PCDH15: variants seen among roughly 807,000 people sequenced by gnomAD.
The protein encoded by PCDH15 is protocadherin related 15.
PCDH15 carries 129 observed loss-of-function variants against 178.5 expected under a neutral mutation model. The ratio of observed to expected loss-of-function variants is 0.72; its 90% CI spans 0.63 to 0.84. PCDH15 has a LOEUF of 0.84. Among genes scored for constraint, PCDH15 ranks in the 40% least tolerant of loss-of-function variants. PCDH15 has a pLI of 0.00. For synonymous variants in PCDH15, 800 were observed against 732.0 expected, an observed-to-expected ratio of 1.09 and a Z score of -1.50; for missense variants, 2,230 against 2,099.9, an observed-to-expected ratio of 1.06 and a Z score of -1.21.
intron 2 of PCDH15, among the ~76,000 whole-genome samples, chr10:54,958,163 A>G (rs1487699268): frequency 6.6e-6 from 1 of 151,746 alleles, no homozygotes; most frequent in Non-Finnish European, 1.5e-5. Context: ...ATTCAAAACC[A>G]CCTCTTTTAG....
intron 25 of PCDH15, among the ~76,000 whole-genome samples, chr10:53,914,843 C>G (rs1350488430): frequency 2.0e-5 from 3 of 152,076 alleles, no homozygotes; most frequent in African/African-American, 7.2e-5. Flanking sequence ...AAAAGTTTAA[C>G]TTTAGGAAAA....
At chr10:53,930,860 A>G (rs562946613) in intron 25 of PCDH15, among the ~76,000 whole-genome samples, 8 of 152,298 alleles carry the variant, frequency 5.3e-5, no homozygotes, top group African/African-American at 1.9e-4. Flanking sequence ...TTCCTTGGCA[A>G]TACTTGTTTT....
intron 27 of PCDH15, among the ~76,000 whole-genome samples, chr10:53,863,556 G>C (rs1234213179): frequency 6.6e-6 from 1 of 151,970 alleles, no homozygotes; most frequent in African/African-American, 2.4e-5. Flanking sequence ...GTTTAAGAGA[G>C]GGTTCAATAG....
intron 2 of PCDH15, among the ~76,000 whole-genome samples, chr10:55,509,643 G>A (rs999787648): frequency 2.6e-5 from 4 of 151,710 alleles, no homozygotes; most frequent in East Asian, 1.9e-4. Flanking sequence ...AACCATCATC[G>A]AAATTAATAT....
chr10:54,908,367 G>T (rs567364737), intron 2 of PCDH15, among the ~76,000 whole-genome samples: 42 of 152,254 alleles, frequency 2.8e-4, no homozygotes, highest in African/African-American at 1.0e-3. Flanking sequence ...GCTTCTACAG[G>T]TGATAGTGGG....
intron 18 of PCDH15, among the ~76,000 whole-genome samples, chr10:54,043,838 TCA>T (rs1331884236): frequency 2.0e-5 from 3 of 152,106 alleles, no homozygotes; most frequent in African/African-American, 7.2e-5. Flanking sequence ...ACTGAAAACT[TCA>T]CTTTCTTTTC....
rs943728242 is a variant in PCDH15 at position 55,134,309 on chromosome 10, A to T, written c.-80+32267T>A. Among the ~76,000 whole-genome samples, 3 of 152,200 alleles carry T rather than the reference A, an allele frequency of 2.0e-5. No individual in the cohort carries two copies. The South Asian group carries it at 6.2e-4, about 31-fold the overall frequency. Reference sequence around the variant, plus strand: ...GCCTGCACAGCTAATTATCTCTGCTACTTAAAATATTTGCCCAAGTATTAT... The same window carrying T: ...GCCTGCACAGCTAATTATCTCTGCTTCTTAAAATATTTGCCCAAGTATTAT... On this transcript the variant is annotated intron_variant, in intron 2 of 5. Transcript: ENST00000458638.
intron 1 of PCDH15, among the ~76,000 whole-genome samples, chr10:54,742,557 C>T (rs938594583): frequency 6.6e-5 from 10 of 151,932 alleles, no homozygotes; most frequent in African/African-American, 2.4e-4. Context: ...AGAGAAAGGT[C>T]CTAGAATACT....
intron 21 of PCDH15, 133 bp downstream of exon 21, chr10:53,995,516 G>T: frequency 3.3e-6 from 5 of 1,517,504 alleles, no homozygotes; most frequent in South Asian, 1.2e-5. Flanking sequence ...ATAAGTAAAA[G>T]AACATAAAAT....
At chr10:54,471,334 T>C (rs2077904066) in intron 3 of PCDH15, among the ~76,000 whole-genome samples, 1 of 152,154 alleles carries the variant, frequency 6.6e-6, no homozygotes, top group African/African-American at 2.4e-5. Context: ...TATAAGTGGA[T>C]GCACAAAGCC....
Position 54,290,736 on chromosome 10 carries a change from G to T in PCDH15, c.876+26535C>A, listed in dbSNP as rs150998490. Among the ~76,000 whole-genome samples the T allele has an allele frequency of 6.2e-3, 941 of 152,134 alleles. 9 individuals are homozygous for T. Among genetic ancestry groups the T allele is most frequent in the African/African-American group, 0.022 (900 of 41,502 alleles). On this transcript the variant is annotated intron_variant, in intron 8 of 37. Transcript: ENST00000644397. Reference sequence around the variant, plus strand: ...CAAATGGAAAGCTAAAAAAAGCAGGGGTTGCAATCTTAGTCTCTGATAAAA... The same window carrying T: ...CAAATGGAAAGCTAAAAAAAGCAGGTGTTGCAATCTTAGTCTCTGATAAAA...
chr10:54,027,497 A>C (rs1445619556), intron 18 of PCDH15, among the ~76,000 whole-genome samples: 1 of 151,434 alleles, frequency 6.6e-6, no homozygotes, highest in Non-Finnish European at 1.5e-5. Context: ...ATCCTAAGCC[A>C]AAAGAACAAA....
chr10:54,978,479 T>C (rs1177737736), intron 2 of PCDH15, among the ~76,000 whole-genome samples: 2 of 152,138 alleles, frequency 1.3e-5, no homozygotes, highest in African/African-American at 4.8e-5. Context: ...ACCCAAATTG[T>C]GCCTATTTGC....
intron 3 of PCDH15, among the ~76,000 whole-genome samples, chr10:54,828,733 A>G (rs752096604): frequency 6.6e-5 from 10 of 152,068 alleles, no homozygotes; most frequent in Non-Finnish European, 1.3e-4. Flanking sequence ...GAAACATGAC[A>G]ACATATTCAA....
chr10:54,196,892 T>C (rs1414644346), intron 10 of PCDH15, among the ~76,000 whole-genome samples: 1 of 152,094 alleles, frequency 6.6e-6, no homozygotes, highest in African/African-American at 2.4e-5. Context: ...GAAACCAAAT[T>C]TACAAGAGTC....
intron 2 of PCDH15, among the ~76,000 whole-genome samples, chr10:55,417,323 G>T (rs1372677978): frequency 6.6e-6 from 1 of 151,580 alleles, no homozygotes; most frequent in Non-Finnish European, 1.5e-5. Context: ...TATAAGCAAA[G>T]AATAACCAAA....
At chr10:55,535,506 A>C (rs530830545) in intron 2 of PCDH15, among the ~76,000 whole-genome samples, 3 of 152,218 alleles carry the variant, frequency 2.0e-5, no homozygotes, top group South Asian at 2.1e-4. Flanking sequence ...TGTACAAGAC[A>C]ATATTAAACT....
At position 54,042,008 on chromosome 10, in the gene PCDH15, G is replaced by C. The variant is rs73235729; in HGVS notation, c.2221-18811C>G. On this transcript the variant is annotated intron_variant, in intron 18 of 37. Transcript: ENST00000644397. ...TCTTGAGATTATTTTTAGTAATTAA[G>C]ATAGAAAAAAAATGTTTTCTATATA... is the stretch of plus-strand genomic sequence containing the variant. Among the ~76,000 whole-genome samples the C allele has an allele frequency of 4.8e-3, 695 of 145,708 alleles. 6 individuals carry two copies. The highest frequency in any genetic ancestry group is 0.021 in the Middle Eastern group (6 of 290).
At chr10:54,072,049 C>T (rs1012056957) in intron 17 of PCDH15, among the ~76,000 whole-genome samples, 10 of 151,756 alleles carry the variant, frequency 6.6e-5, no homozygotes, top group African/African-American at 2.4e-4. Context: ...ATTTAAATGT[C>T]TGAAAAAAGA....
Sources: allele counts gnomAD v4.1 joint callset (sites outside exome capture counted in the v4.1 genomes callset), GRCh38; gene constraint gnomAD v4.1.1; transcripts MANE v1.5; gene names NCBI Gene and HGNC (gene_info 2026-07-23, HGNC 2026-07-21).